The following BTBD9 variants were observed in gnomAD, a reference collection of about 807,000 sequenced individuals.
BTBD9 encodes the protein BTB domain containing 9, also known as BTB/POZ domain-containing protein 9.
In BTBD9, 49 loss-of-function variants were observed where a neutral mutation model predicts 64.3. The ratio of observed to expected loss-of-function variants is 0.76; its 90% CI spans 0.61 to 0.97. BTBD9 has a LOEUF of 0.97. Ranked by LOEUF, BTBD9 falls within the 50% of genes least tolerant of loss-of-function variation. The probability of loss-of-function intolerance (pLI) is 0.00; values close to 1 mark genes in which losing one functional copy is unlikely to be tolerated. For missense variants in BTBD9, 598 were observed against 762.1 expected, an observed-to-expected ratio of 0.78 and a Z score of 2.53; for synonymous variants, 260 against 274.7, an observed-to-expected ratio of 0.95 and a Z score of 0.53.
intron 6 of BTBD9, among the ~76,000 whole-genome samples, chr6:38,368,485 C>T (rs894544083): frequency 1.3e-5 from 2 of 152,030 alleles, no homozygotes; most frequent in Admixed American, 6.5e-5. Context: ...TAGGTGCCTG[C>T]CACTGTGCCT....
At chr6:38,477,779 GTCT>G (rs556526712) in intron 6 of BTBD9, among the ~76,000 whole-genome samples, 243 of 152,258 alleles carry the variant, frequency 1.6e-3, no homozygotes, top group African/African-American at 5.2e-3. Flanking sequence ...TCTACAGGAG[GTCT>G]TCTTATCCTC....
At chr6:38,541,109 A>G (rs1774247970) in intron 6 of BTBD9, among the ~76,000 whole-genome samples, 1 of 152,244 alleles carries the variant, frequency 6.6e-6, no homozygotes, top group Non-Finnish European at 1.5e-5. Flanking sequence ...GTTTCTGGTC[A>G]ACTCAGATGA....
chr6:38,474,182 A>G (rs1770777139), intron 6 of BTBD9, among the ~76,000 whole-genome samples: 1 of 152,176 alleles, frequency 6.6e-6, no homozygotes, highest in African/African-American at 2.4e-5. Context: ...TGGAGAGAAG[A>G]AAAGATGGAA....
intron 6 of BTBD9, among the ~76,000 whole-genome samples, chr6:38,513,562 T>A (rs1202022932): frequency 1.3e-5 from 2 of 151,798 alleles, no homozygotes; most frequent in African/African-American, 2.4e-5. Flanking sequence ...GACAGTAAAA[T>A]CAAATTAGGT....
Position 38,603,953 on chromosome 6 carries a change from C to T in BTBD9, c.-27-5832G>A, listed in dbSNP as rs111791428. 8.5e-3 allele frequency among the ~76,000 whole-genome samples: 1,290 copies of T among 152,208 alleles called. 16 individuals carry two copies. Among genetic ancestry groups the T allele is most frequent in the Middle Eastern group, 0.014 (4 of 294 alleles). ...GGGGAGATAAATGATGTCCTGTCTGCATCTTAAACACTCTCCAAAAAAAAT... is the reference window on the plus strand; with the variant it reads ...GGGGAGATAAATGATGTCCTGTCTGTATCTTAAACACTCTCCAAAAAAAAT... On this transcript the variant is annotated intron_variant, in intron 1 of 10. Transcript: ENST00000481247.
intron 9 of BTBD9, among the ~76,000 whole-genome samples, chr6:38,196,780 C>A (rs906342947): frequency 2.0e-5 from 3 of 152,086 alleles, no homozygotes; most frequent in Admixed American, 2.0e-4. Flanking sequence ...CCAAAACTTG[C>A]CTTGTAGTTG....
At chr6:38,175,700 G>A (rs12197001) in intron 10 of BTBD9, among the ~76,000 whole-genome samples, 77,248 of 152,000 alleles carry the variant, frequency 0.51, 21,249 homozygotes, top group Non-Finnish European at 0.62. Flanking sequence ...TGCACTTGAG[G>A]TTCATTGGTG....
intron 8 of BTBD9, among the ~76,000 whole-genome samples, chr6:38,261,896 G>C (rs1284145791): frequency 1.3e-5 from 2 of 152,186 alleles, no homozygotes; most frequent in African/African-American, 2.4e-5. Context: ...ACATGTTGAA[G>C]TTTTAAAGAG....
At chr6:38,537,608 T>C (rs1406522619) in intron 6 of BTBD9, among the ~76,000 whole-genome samples, 1 of 152,220 alleles carries the variant, frequency 6.6e-6, no homozygotes, top group Non-Finnish European at 1.5e-5. Context: ...GAGAAAGTGC[T>C]TCATTTTGGC....
intron 7 of BTBD9, among the ~76,000 whole-genome samples, chr6:38,305,315 A>G (rs4714144): frequency 0.72 from 108,960 of 152,096 alleles, 39,640 homozygotes; most frequent in African/African-American, 0.85. Flanking sequence ...CACACCTTCT[A>G]TTCTCTCAAC....
intron 6 of BTBD9, among the ~76,000 whole-genome samples, chr6:38,381,188 A>G (rs916930258): frequency 2.0e-5 from 3 of 152,178 alleles, no homozygotes; most frequent in South Asian, 4.1e-4. Flanking sequence ...AAAGACAGAT[A>G]ACCAAACTGA....
chr6:38,392,691 G>T (rs2127623997), intron 6 of BTBD9, among the ~76,000 whole-genome samples: 1 of 152,284 alleles, frequency 6.6e-6, no homozygotes, highest in East Asian at 1.9e-4. Context: ...GTCAGAATCT[G>T]AATGTAGTTC....
At chr6:38,195,549 G>A (rs1012171622) in intron 9 of BTBD9, among the ~76,000 whole-genome samples, 2 of 152,070 alleles carry the variant, frequency 1.3e-5, no homozygotes, top group Admixed American at 1.3e-4. Context: ...AACCCACGCA[G>A]GATTGATGTC....
intron 6 of BTBD9, among the ~76,000 whole-genome samples, chr6:38,512,374 C>T (rs559686618): frequency 6.6e-6 from 1 of 152,192 alleles, no homozygotes; most frequent in African/African-American, 2.4e-5. Context: ...CATATGGTGA[C>T]TATTAATTAG....
chr6:38,242,633 G>C (rs764772117), intron 9 of BTBD9, among the ~76,000 whole-genome samples: 5 of 152,238 alleles, frequency 3.3e-5, no homozygotes, highest in Non-Finnish European at 7.3e-5. Context: ...TGTATAACCT[G>C]TAAGTTCCTT....
chr6:38,415,121 G>A (rs1278709306), intron 6 of BTBD9, among the ~76,000 whole-genome samples: 1 of 152,084 alleles, frequency 6.6e-6, no homozygotes, highest in Non-Finnish European at 1.5e-5. Flanking sequence ...TACCTACAAA[G>A]GCATACCTTT....
chr6:38,570,121 GA>G, intron 6 of BTBD9, among the ~76,000 whole-genome samples: 1 of 152,202 alleles, frequency 6.6e-6, no homozygotes, highest in African/African-American at 2.4e-5. Context: ...TTTTAAAACA[GA>G]AAATATCCCC....
At chr6:38,463,956 G>A (rs567525539) in intron 6 of BTBD9, among the ~76,000 whole-genome samples, 27 of 152,190 alleles carry the variant, frequency 1.8e-4, no homozygotes, top group African/African-American at 5.3e-4. Flanking sequence ...CATCTGAGCC[G>A]GAGATGCAGG....
At chr6:38,468,300 C>A (rs183475835) in intron 6 of BTBD9, among the ~76,000 whole-genome samples, 2 of 152,162 alleles carry the variant, frequency 1.3e-5, no homozygotes, top group Non-Finnish European at 2.9e-5. Flanking sequence ...TCTATTCTGA[C>A]CCCAACCTAT....
Sources: gnomAD v4.1 joint callset for allele counts (sites outside exome capture counted in the v4.1 genomes callset) on GRCh38, gnomAD v4.1.1 for gene constraint, MANE v1.5 for transcripts, NCBI Gene and HGNC (gene_info 2026-07-23, HGNC 2026-07-21) for gene names.